ATOSA: variants seen among roughly 807,000 people sequenced by gnomAD.
The protein encoded by ATOSA is atos homolog protein A.
the ATOSA span, among the ~76,000 whole-genome samples, chr15:52,618,710 G>C: frequency 6.6e-6 from 1 of 152,060 alleles, no homozygotes; most frequent in East Asian, 1.9e-4. Context: ...TTAGAGACAG[G>C]GTCTTGCTTT....
At chr15:52,613,783 G>A in the ATOSA span, 6 of 1,613,784 alleles carry the variant, frequency 3.7e-6, no homozygotes, top group Non-Finnish European at 5.1e-6. Context: ...TCAGGTGTTC[G>A]TCCTTCTGTT....
the ATOSA span, chr15:52,587,384 G>T: frequency 3.5e-6 from 2 of 569,356 alleles, no homozygotes; most frequent in African/African-American, 1.9e-5. Context: ...TACCCCTAAG[G>T]AAACATTTTA....
At chr15:52,703,540 G>A in the ATOSA span, among the ~76,000 whole-genome samples, 3 of 152,088 alleles carry the variant, frequency 2.0e-5, no homozygotes, top group African/African-American at 7.2e-5. Flanking sequence ...AAAACTACCT[G>A]ATGGTTGCTT....
At chr15:52,649,214 T>C in the ATOSA span, among the ~76,000 whole-genome samples, 3 of 152,136 alleles carry the variant, frequency 2.0e-5, no homozygotes, top group Non-Finnish European at 1.5e-5. Flanking sequence ...CTGCTGACTA[T>C]GAAAAGCAAA....
the ATOSA span, among the ~76,000 whole-genome samples, chr15:52,626,349 G>A: frequency 6.6e-6 from 1 of 152,078 alleles, no homozygotes; most frequent in East Asian, 1.9e-4. Context: ...ATCCAACTTG[G>A]AAACATTATC....
chr15:52,627,311 G>A, the ATOSA span, among the ~76,000 whole-genome samples: 43 of 152,222 alleles, frequency 2.8e-4, no homozygotes, highest in South Asian at 1.7e-3. Context: ...ACTTCTAATC[G>A]TTGATTTCAG....
the ATOSA span, among the ~76,000 whole-genome samples, chr15:52,695,870 G>A: frequency 6.6e-6 from 1 of 152,168 alleles, no homozygotes; most frequent in South Asian, 2.1e-4. Context: ...CAGGCCAAGG[G>A]ACAGTCAGCA....
At chr15:52,686,719 A>G in the ATOSA span, among the ~76,000 whole-genome samples, 1 of 152,048 alleles carries the variant, frequency 6.6e-6, no homozygotes, top group African/African-American at 2.4e-5. Context: ...TTCCTTTTGC[A>G]TTTTCAGATG....
chr15:52,653,450 T>G, the ATOSA span, among the ~76,000 whole-genome samples: 1 of 152,112 alleles, frequency 6.6e-6, no homozygotes, highest in African/African-American at 2.4e-5. Flanking sequence ...GGTTCCATAC[T>G]TAGCCAGAGG....
At chr15:52,598,836 T>C in the ATOSA span, 1 of 152,180 alleles carries the variant, frequency 6.6e-6, no homozygotes, top group Non-Finnish European at 1.5e-5. Flanking sequence ...GTCATGGAGG[T>C]GGATCTTTCA....
At chr15:52,617,613 A>G in the ATOSA span, among the ~76,000 whole-genome samples, 684 of 152,180 alleles carry the variant, frequency 4.5e-3, 7 homozygotes, top group African/African-American at 0.016. Flanking sequence ...CTCATTTTTC[A>G]GAGATACCTA....
At chr15:52,664,978 C>G in the ATOSA span, among the ~76,000 whole-genome samples, 1 of 151,940 alleles carries the variant, frequency 6.6e-6, no homozygotes, top group Non-Finnish European at 1.5e-5. Flanking sequence ...GGAATACCAG[C>G]TAGAAATTGT....
At chr15:52,610,205 C>T in the ATOSA span, 1 of 1,613,930 alleles carries the variant, frequency 6.2e-7, no homozygotes, top group Admixed American at 1.7e-5. Flanking sequence ...ATTCTTTTCT[C>T]ATAAAGGCCA....
the ATOSA span, among the ~76,000 whole-genome samples, chr15:52,682,064 C>G: frequency 6.6e-6 from 1 of 152,134 alleles, no homozygotes; most frequent in African/African-American, 2.4e-5. Context: ...TATGTATTCT[C>G]TAATATGCTT....
At chr15:52,667,812 C>T in the ATOSA span, among the ~76,000 whole-genome samples, 6 of 152,080 alleles carry the variant, frequency 3.9e-5, no homozygotes, top group African/African-American at 1.4e-4. Flanking sequence ...AAAACATGTT[C>T]AACATTACTA....
chr15:52,703,244 G>A, the ATOSA span, among the ~76,000 whole-genome samples: 1 of 152,140 alleles, frequency 6.6e-6, no homozygotes, highest in Admixed American at 6.6e-5. Context: ...CTTGGGCACA[G>A]GGGTAGAGGG....
chr15:52,659,668 T>G, the ATOSA span, among the ~76,000 whole-genome samples: 1 of 152,138 alleles, frequency 6.6e-6, no homozygotes, highest in Non-Finnish European at 1.5e-5. Flanking sequence ...ATATTTAAGC[T>G]ATCTAAGTAC....
chr15:52,611,335 A>G, the ATOSA span: 1 of 1,532,852 alleles, frequency 6.5e-7, no homozygotes, highest in South Asian at 1.2e-5. Flanking sequence ...GCTGAGATCC[A>G]TAAACTTATC....
chr15:52,614,506 C>T, the ATOSA span, among the ~76,000 whole-genome samples: 1 of 151,956 alleles, frequency 6.6e-6, no homozygotes, highest in Non-Finnish European at 1.5e-5. Flanking sequence ...AAGACAAAAA[C>T]AACTCATTAT....
Sources: gnomAD v4.1 joint callset for allele counts (sites outside exome capture counted in the v4.1 genomes callset) on GRCh38, gnomAD v4.1.1 for gene constraint, MANE v1.5 for transcripts, NCBI Gene and HGNC (gene_info 2026-07-23, HGNC 2026-07-21) for gene names.